MCPH1: variants seen among roughly 807,000 people sequenced by gnomAD.
MCPH1 encodes the protein microcephalin 1.
MCPH1 carries 104 observed loss-of-function variants against 84.5 expected under a neutral mutation model. The ratio of observed to expected loss-of-function variants is 1.23; its 90% CI spans 1.05 to 1.45. MCPH1 has a LOEUF of 1.45. MCPH1 is among the 40% of genes most tolerant of loss of function. MCPH1 has a pLI of 0.00. For synonymous variants in MCPH1, 514 were observed against 366.8 expected, an observed-to-expected ratio of 1.40 and a Z score of -4.58; for missense variants, 1,498 against 1,005.7, an observed-to-expected ratio of 1.49 and a Z score of -6.62.
At chr8:6,594,498 C>G (rs1384732979) in intron 12 of MCPH1, among the ~76,000 whole-genome samples, 2 of 152,218 alleles carry the variant, frequency 1.3e-5, no homozygotes, top group South Asian at 2.1e-4. Context: ...AATAGCAGTC[C>G]TTGATCATAT....
chr8:6,510,866 A>G (rs746177184), intron 12 of MCPH1, among the ~76,000 whole-genome samples: 3 of 152,236 alleles, frequency 2.0e-5, no homozygotes, highest in Non-Finnish European at 4.4e-5. Context: ...TGAACTGGAC[A>G]TGTGAGTCTC....
chr8:6,595,274 G>A (rs1286186738), intron 12 of MCPH1, among the ~76,000 whole-genome samples: 1 of 152,190 alleles, frequency 6.6e-6, no homozygotes, highest in Non-Finnish European at 1.5e-5. Context: ...GAGACACACA[G>A]GAATGAGTGA....
intron 12 of MCPH1, among the ~76,000 whole-genome samples, chr8:6,583,756 G>T (rs1315474741): frequency 6.6e-6 from 1 of 150,796 alleles, no homozygotes; most frequent in East Asian, 1.9e-4. Context: ...TGGCAAAGAC[G>T]CCTCAGCTAA....
At chr8:6,474,918 C>T (rs1015950621) in intron 9 of MCPH1, among the ~76,000 whole-genome samples, 1 of 152,194 alleles carries the variant, frequency 6.6e-6, no homozygotes, top group African/African-American at 2.4e-5. Context: ...TTCAACTAGT[C>T]TCATTTGCCA....
intron 11 of MCPH1, among the ~76,000 whole-genome samples, chr8:6,491,526 C>A (rs1810585955): frequency 1.3e-5 from 2 of 151,054 alleles, no homozygotes; most frequent in Admixed American, 6.6e-5. Context: ...GCACAACATG[C>A]AGGTTTGTTA....
At position 6,621,570 on chromosome 8, in the gene MCPH1, ACT is replaced by A; in HGVS notation, c.2332_2333del (p.Leu778SerfsTer35). The A allele has an allele frequency of 6.2e-7, 1 of 1,614,198 alleles. No individual in the cohort carries two copies. The highest frequency in any genetic ancestry group is 8.5e-7 in the Non-Finnish European group (1 of 1,180,032). Reference protein sequence around the residue: ...SSPPVAKLCELVHLCGGRVSQ... With the variant: ...SSPPVAKLCEXVHLCGGRVSQ... ...GCCCCCCAGTGGCCAAGCTCTGTGAACTAGTCCACCTGTGCGGAGGCCGGGTC... is the reference window on the plus strand; with the variant it reads ...GCCCCCCAGTGGCCAAGCTCTGTGAAAGTCCACCTGTGCGGAGGCCGGGTC... On this transcript the variant is annotated frameshift_variant, in exon 13 of 14. Transcript: ENST00000344683. LOFTEE classifies it high-confidence loss of function.
chr8:6,423,082 A>G (rs1800476828), intron 3 of MCPH1, among the ~76,000 whole-genome samples: 1 of 151,656 alleles, frequency 6.6e-6, no homozygotes, highest in South Asian at 2.1e-4. Context: ...TGGCCTCCCA[A>G]AGTGCTAGGA....
chr8:6,530,674 T>C (rs918748622), intron 12 of MCPH1, among the ~76,000 whole-genome samples: 1 of 152,204 alleles, frequency 6.6e-6, no homozygotes, highest in Non-Finnish European at 1.5e-5. Flanking sequence ...TTATGTAAAA[T>C]ATTTATGTAT....
chr8:6,609,828 C>CCCCCA (rs1475345162), intron 12 of MCPH1, among the ~76,000 whole-genome samples: 1,123 of 108,530 alleles, frequency 0.01, 29 homozygotes, highest in Middle Eastern at 0.065. Flanking sequence ...CGCCCCCCCC[C>CCCCCA]CACACACAGA....
chr8:6,573,949 A>G (rs1472619588), intron 12 of MCPH1, among the ~76,000 whole-genome samples: 3 of 152,256 alleles, frequency 2.0e-5, no homozygotes, highest in African/African-American at 7.2e-5. Context: ...GGTTTGTGGA[A>G]GAAGCAAATG....
chr8:6,641,339 G>A (rs550825384), intron 13 of MCPH1, among the ~76,000 whole-genome samples: 3 of 152,262 alleles, frequency 2.0e-5, no homozygotes, highest in African/African-American at 7.2e-5. Context: ...CTGAGTATCG[G>A]AAAAGGCTTC....
intron 12 of MCPH1, among the ~76,000 whole-genome samples, chr8:6,538,498 C>G (rs1039116423): frequency 3.3e-5 from 5 of 152,104 alleles, no homozygotes; most frequent in Non-Finnish European, 7.4e-5. Context: ...AGACACACAC[C>G]GCCTCCTGAC....
At chr8:6,451,103 T>G (rs1805036224) in intron 8 of MCPH1, among the ~76,000 whole-genome samples, 1 of 152,244 alleles carries the variant, frequency 6.6e-6, no homozygotes, top group African/African-American at 2.4e-5. Flanking sequence ...TCATTAAGTA[T>G]GTTAAATTGT....
At chr8:6,416,886 C>G (rs761757479) in intron 3 of MCPH1, among the ~76,000 whole-genome samples, 2 of 151,824 alleles carry the variant, frequency 1.3e-5, no homozygotes, top group South Asian at 2.1e-4. Context: ...CCCAGCTACT[C>G]GGGAGATTGA....
intron 2 of MCPH1, among the ~76,000 whole-genome samples, chr8:6,410,401 G>A (rs1387047573): frequency 6.6e-6 from 1 of 152,158 alleles, no homozygotes; most frequent in Non-Finnish European, 1.5e-5. Flanking sequence ...ACACTGTAAG[G>A]TCATTGCTGA....
At chr8:6,430,874 T>A (rs1801738491) in intron 3 of MCPH1, among the ~76,000 whole-genome samples, 1 of 151,976 alleles carries the variant, frequency 6.6e-6, no homozygotes, top group African/African-American at 2.4e-5. Context: ...ATTTAGAAAA[T>A]CATAATTATT....
intron 3 of MCPH1, among the ~76,000 whole-genome samples, chr8:6,428,760 C>T (rs1408480363): frequency 6.6e-6 from 1 of 152,238 alleles, no homozygotes; most frequent in Admixed American, 6.5e-5. Context: ...CACACACACA[C>T]ACACACACAG....
At chr8:6,433,808 A>G (rs1489343093) in intron 4 of MCPH1, among the ~76,000 whole-genome samples, 1 of 151,956 alleles carries the variant, frequency 6.6e-6, no homozygotes, top group Non-Finnish European at 1.5e-5. Context: ...TGTAATTGCA[A>G]ATTAAACCCG....
chr8:6,488,853 C>G (rs1563277619), intron 11 of MCPH1, among the ~76,000 whole-genome samples: 1 of 151,792 alleles, frequency 6.6e-6, no homozygotes, highest in East Asian at 1.9e-4. Context: ...CTAGGGTCAT[C>G]GAGGTGAAAA....
Sources: gnomAD v4.1 joint callset for allele counts (sites outside exome capture counted in the v4.1 genomes callset) on GRCh38, gnomAD v4.1.1 for gene constraint, MANE v1.5 for transcripts, NCBI Gene and HGNC (gene_info 2026-07-23, HGNC 2026-07-21) for gene names.